The following PGAP1 variants were observed in gnomAD, a reference collection of about 807,000 sequenced individuals.
The protein encoded by PGAP1 is post-GPI attachment to proteins inositol deacylase 1, also known as GPI inositol-deacylase.
Under a neutral mutation model 127.0 loss-of-function variants are expected in PGAP1, and 76 were observed. That is an observed-to-expected ratio of 0.60 (90% CI 0.50 to 0.72). The LOEUF (loss-of-function observed/expected upper bound fraction) is 0.72. Among genes scored for constraint, PGAP1 ranks in the 30% least tolerant of loss-of-function variants. The pLI is 0.00. For missense variants in PGAP1, 982 were observed against 1,071.3 expected (o/e 0.92, Z 1.16); for synonymous variants, 362 against 366.5 (o/e 0.99, Z 0.14).
At position 196,839,124 on chromosome 2, in the gene PGAP1, A is replaced by G. The variant is rs1700329655; in HGVS notation, c.*2110T>C. ...GAAGCTTGTTACATTCATGAACAGT[A>G]CTAACTAAACAAAGAGGTTTTAGAA... On this transcript the variant is annotated 3_prime_UTR_variant, in exon 27 of 27. Coordinates refer to ENST00000354764, the MANE Select transcript of PGAP1 (RefSeq NM_024989.4). 6.6e-6 allele frequency: 1 copy of G among 152,656 alleles called. No homozygotes were observed. Among genetic ancestry groups the G allele is most frequent in the Non-Finnish European group, 1.5e-5 (1 of 68,052 alleles). The allele number at this position is 152,656 out of a possible 1,614,324, so 9.5% of individuals were successfully genotyped here.
At chr2:196,858,952 A>G (rs1177132697) in intron 20 of PGAP1, among the ~76,000 whole-genome samples, 2 of 152,186 alleles carry the variant, frequency 1.3e-5, no homozygotes, top group Non-Finnish European at 2.9e-5. Flanking sequence ...AAAATCTAGA[A>G]GAGACGGATA....
chr2:196,883,171 T>C (rs1701785606), intron 12 of PGAP1, among the ~76,000 whole-genome samples: 1 of 152,216 alleles, frequency 6.6e-6, no homozygotes, highest in Non-Finnish European at 1.5e-5. Context: ...CAGTTTTTAA[T>C]CGAGTTTTGT....
Position 196,898,328 on chromosome 2 carries a change from G to A in PGAP1, c.849C>T (p.Leu283=), listed in dbSNP as rs868315664. ...VPKTWVSTDH[L]SIVWCKQLQL... ...AAGTATTAACTTACCACACAATGGA[G>A]AGGTGGTCTGTTGAGACCCAGGTCT... is the stretch of plus-strand genomic sequence containing the variant. Residue 283 remains leucine (L), a synonymous_variant, in exon 6 of 27, where the codon CTC becomes CTT. Coordinates refer to ENST00000354764, the MANE Select transcript of PGAP1 (RefSeq NM_024989.4). The A allele has an allele frequency of 1.2e-6, 2 of 1,608,448 alleles. No homozygotes were observed. Among genetic ancestry groups the A allele is most frequent in the Non-Finnish European group, 1.7e-6 (2 of 1,175,808 alleles).
chr2:196,889,013 A>G (rs1379735349), intron 10 of PGAP1, among the ~76,000 whole-genome samples: 1 of 152,200 alleles, frequency 6.6e-6, no homozygotes, highest in Non-Finnish European at 1.5e-5. Context: ...CTGCCTTTAT[A>G]TAAGCTTGAA....
At chr2:196,857,102 A>T (rs1018055879) in intron 20 of PGAP1, among the ~76,000 whole-genome samples, 3 of 152,200 alleles carry the variant, frequency 2.0e-5, no homozygotes, top group African/African-American at 7.2e-5. Context: ...GAGGAAGTCA[A>T]ACTATCTCTG....
chr2:196,841,759 C>T (rs991240002), intron 26 of PGAP1, among the ~76,000 whole-genome samples: 2 of 152,160 alleles, frequency 1.3e-5, no homozygotes, highest in African/African-American at 4.8e-5. Context: ...CCTCGTGATC[C>T]ACCCGCCTTG....
chr2:196,889,807 C>T (rs1400223705), intron 10 of PGAP1, among the ~76,000 whole-genome samples: 2 of 143,148 alleles, frequency 1.4e-5, no homozygotes, highest in Non-Finnish European at 3.0e-5. Context: ...TGCAGTGAGC[C>T]GAGACTGCGC....
At chr2:196,874,972 T>C (rs1274080230) in intron 14 of PGAP1, among the ~76,000 whole-genome samples, 2 of 152,160 alleles carry the variant, frequency 1.3e-5, no homozygotes, top group Non-Finnish European at 2.9e-5. Flanking sequence ...GCTGGGATCA[T>C]GCCACTGTAC....
intron 14 of PGAP1, 37 bp from the exon 15 acceptor site, chr2:196,873,795 A>C: frequency 4.2e-6 from 6 of 1,412,258 alleles, no homozygotes; most frequent in African/African-American, 1.4e-5. Flanking sequence ...TTAGAATATC[A>C]AGGAAGTTTT....
intron 5 of PGAP1, among the ~76,000 whole-genome samples, chr2:196,902,208 T>C (rs1325493375): frequency 2.6e-5 from 4 of 152,104 alleles, no homozygotes; most frequent in African/African-American, 9.7e-5. Flanking sequence ...TTAAAGATTT[T>C]TTGTATTTTG....
chr2:196,888,417 C>T (rs74752665), intron 10 of PGAP1, among the ~76,000 whole-genome samples: 33 of 152,186 alleles, frequency 2.2e-4, no homozygotes, highest in African/African-American at 7.7e-4. Context: ...ATAAAATAGG[C>T]GATCCACAGC....
In PGAP1 at chr2:196,912,057, A is replaced by G. The variant is rs140911855; in HGVS notation, c.649+825T>C. Among the ~76,000 whole-genome samples the G allele has an allele frequency of 5.8e-3, 883 of 152,288 alleles. 1 individual carries two copies. Among genetic ancestry groups the G allele is most frequent in the Middle Eastern group, 0.024 (7 of 294 alleles). On this transcript the variant is annotated intron_variant, in intron 4 of 26. Transcript: ENST00000354764. ...ACGTTATCTTGGCCTTTTTCTATCCATAAACATGAGGATAATAATGGTGCC... is the reference window on the plus strand; with the variant it reads ...ACGTTATCTTGGCCTTTTTCTATCCGTAAACATGAGGATAATAATGGTGCC...
intron 13 of PGAP1, among the ~76,000 whole-genome samples, chr2:196,878,594 A>C (rs556352864): frequency 5.3e-5 from 8 of 152,266 alleles, no homozygotes; most frequent in African/African-American, 1.9e-4. Flanking sequence ...CTACAGCATA[A>C]GGAGATTAAT....
intron 1 of PGAP1, among the ~76,000 whole-genome samples, 193 bp from the exon 2 acceptor site, chr2:196,920,343 G>A (rs1186504464): frequency 3.3e-5 from 5 of 152,048 alleles, no homozygotes. Flanking sequence ...CTTGAATTGT[G>A]TATATTTTGA....
At position 196,834,430 on chromosome 2, in the gene PGAP1, T is replaced by C. The variant is rs1468470381; in HGVS notation, c.*6804A>G. 5 of 152,404 alleles carry C rather than the reference T, an allele frequency of 3.3e-5. No homozygotes were observed. The highest frequency in any genetic ancestry group is 7.4e-5 in the Non-Finnish European group (5 of 67,892). 9.4% of individuals were successfully genotyped at this position (152,404 alleles called of 1,614,324 possible). ...CATAATAAAATGTACAGTTATAAAATTGCAGGGCACTCTTTATCATTTCAA... is the reference window on the plus strand; with the variant it reads ...CATAATAAAATGTACAGTTATAAAACTGCAGGGCACTCTTTATCATTTCAA... On this transcript the variant is annotated 3_prime_UTR_variant, in exon 27 of 27. Coordinates refer to ENST00000354764, the MANE Select transcript of PGAP1 (RefSeq NM_024989.4).
At chr2:196,915,582 C>CCT (rs1702980322) in intron 3 of PGAP1, among the ~76,000 whole-genome samples, 1 of 152,102 alleles carries the variant, frequency 6.6e-6, no homozygotes, top group South Asian at 2.1e-4. Flanking sequence ...CTGTTCTTTT[C>CCT]CTCTCACTTT....
chr2:196,868,749 T>C (rs140390658), intron 19 of PGAP1, among the ~76,000 whole-genome samples: 59 of 152,330 alleles, frequency 3.9e-4, no homozygotes, highest in African/African-American at 1.4e-3. Flanking sequence ...GAAAAAAATT[T>C]AACTTTATGA....
At chr2:196,880,369 T>G (rs944341234) in intron 12 of PGAP1, among the ~76,000 whole-genome samples, 4 of 152,000 alleles carry the variant, frequency 2.6e-5, no homozygotes, top group Non-Finnish European at 5.9e-5. Flanking sequence ...AAATAGGAAC[T>G]GCCAAAAATA....
chr2:196,905,251 T>C (rs529224357), intron 4 of PGAP1, among the ~76,000 whole-genome samples: 5 of 152,284 alleles, frequency 3.3e-5, no homozygotes, highest in Admixed American at 1.3e-4. Flanking sequence ...AATGCAACAA[T>C]ATAAAGAGTT....
Sources: gnomAD v4.1 joint callset for allele counts (sites outside exome capture counted in the v4.1 genomes callset) on GRCh38, gnomAD v4.1.1 for gene constraint, MANE v1.5 for transcripts, NCBI Gene and HGNC (gene_info 2026-07-23, HGNC 2026-07-21) for gene names.